PRIM2: variants seen among roughly 807,000 people sequenced by gnomAD.
The protein encoded by PRIM2 is DNA primase subunit 2.
A neutral mutation model predicts 67.3 loss-of-function variants in PRIM2; 39 were observed. That is an observed-to-expected ratio of 0.58 (90% CI 0.45 to 0.76). The LOEUF (loss-of-function observed/expected upper bound fraction) is 0.76, where lower values mean the gene tolerates loss of function less well. Ranked by LOEUF, PRIM2 falls within the 30% of genes least tolerant of loss-of-function variation. PRIM2 has a pLI of 0.00. For missense variants in PRIM2, 398 were observed against 598.7 expected, an observed-to-expected ratio of 0.66 and a Z score of 3.50; for synonymous variants, 143 against 198.7, an observed-to-expected ratio of 0.72 and a Z score of 2.36.
At chr6:57,478,608 C>T (rs1773536656) in intron 7 of PRIM2, among the ~76,000 whole-genome samples, 1 of 152,120 alleles carries the variant, frequency 6.6e-6, no homozygotes, top group African/African-American at 2.4e-5. Context: ...AAAGTACCTT[C>T]TTCTTAGTTG....
chr6:57,292,217 G>C, the PRIM2 span, among the ~76,000 whole-genome samples: 1 of 152,166 alleles, frequency 6.6e-6, no homozygotes, highest in Non-Finnish European at 1.5e-5. Flanking sequence ...CAAACGGACA[G>C]CTAAATCATG....
intron 8 of PRIM2, among the ~76,000 whole-genome samples, chr6:57,524,491 C>CA: frequency 1.3e-5 from 2 of 152,230 alleles, no homozygotes; most frequent in South Asian, 4.1e-4. Flanking sequence ...CACCTGAGAT[C>CA]AGGAGTTCAA....
intron 8 of PRIM2, among the ~76,000 whole-genome samples, chr6:57,521,552 G>A (rs1774624456): frequency 6.6e-6 from 1 of 151,838 alleles, no homozygotes. Flanking sequence ...ATACTTTTAT[G>A]GAATGATGTA....
chr6:57,489,326 G>A (rs1377270797), intron 7 of PRIM2, among the ~76,000 whole-genome samples: 2 of 152,184 alleles, frequency 1.3e-5, no homozygotes, highest in African/African-American at 4.8e-5. Context: ...GGAGGCCAGC[G>A]CAGGCAGATC....
At chr6:57,373,570 A>G (rs1320004995) in intron 5 of PRIM2, among the ~76,000 whole-genome samples, 1 of 151,912 alleles carries the variant, frequency 6.6e-6, no homozygotes, top group Non-Finnish European at 1.5e-5. Flanking sequence ...TGGGGTTTTC[A>G]TAGTTTTAGG....
chr6:57,493,011 C>G (rs1773931553), intron 7 of PRIM2, among the ~76,000 whole-genome samples: 1 of 152,176 alleles, frequency 6.6e-6, no homozygotes, highest in Admixed American at 6.5e-5. Flanking sequence ...TGTCAAAGCA[C>G]ATAAATCTAC....
upstream of PRIM2, among the ~76,000 whole-genome samples, chr6:57,314,185 C>A (rs1374868133): frequency 6.6e-6 from 1 of 152,192 alleles, no homozygotes; most frequent in African/African-American, 2.4e-5. Context: ...AAGCTGAACC[C>A]AGCATTTTTT....
intron 10 of PRIM2, among the ~76,000 whole-genome samples, chr6:57,574,962 A>G (rs1775935119): frequency 6.6e-6 from 1 of 152,282 alleles, no homozygotes; most frequent in Middle Eastern, 3.4e-3. Flanking sequence ...GCTTAAAGGT[A>G]TAGAACTTAA....
chr6:57,509,406 G>A (rs1364678610), intron 8 of PRIM2, among the ~76,000 whole-genome samples: 2 of 152,158 alleles, frequency 1.3e-5, no homozygotes, highest in Non-Finnish European at 2.9e-5. Flanking sequence ...ATTCAACTCT[G>A]TTGGCAATTT....
chr6:57,282,573 G>A, the PRIM2 span, among the ~76,000 whole-genome samples: 1 of 152,158 alleles, frequency 6.6e-6, no homozygotes. Flanking sequence ...CAGTACCTCA[G>A]AATGTGACCG....
chr6:57,516,049 T>C (rs1446522360), intron 8 of PRIM2, among the ~76,000 whole-genome samples: 1 of 151,586 alleles, frequency 6.6e-6, no homozygotes, highest in East Asian at 1.9e-4. Flanking sequence ...TCTGAAGTCC[T>C]TGCCTGTGGG....
intron 7 of PRIM2, among the ~76,000 whole-genome samples, chr6:57,432,916 G>C (rs1771881793): frequency 6.6e-6 from 1 of 152,216 alleles, no homozygotes; most frequent in African/African-American, 2.4e-5. Flanking sequence ...GAAGCAGTTA[G>C]GACTTTTAGT....
At chr6:57,577,410 C>T (rs1291677641) in intron 10 of PRIM2, among the ~76,000 whole-genome samples, 2 of 151,192 alleles carry the variant, frequency 1.3e-5, no homozygotes, top group Non-Finnish European at 2.9e-5. Context: ...TGTACTTTTC[C>T]ATTGCCTGGT....
At chr6:57,244,005 A>G in the PRIM2 span, among the ~76,000 whole-genome samples, 1 of 152,352 alleles carries the variant, frequency 6.6e-6, no homozygotes, top group African/African-American at 2.4e-5. Context: ...CTATGCAGCC[A>G]TAGCTGGACG....
intron 5 of PRIM2, among the ~76,000 whole-genome samples, chr6:57,347,019 G>A (rs1016386325): frequency 6.6e-6 from 1 of 152,048 alleles, no homozygotes; most frequent in Non-Finnish European, 1.5e-5. Context: ...GCTTGCTTCT[G>A]TTTGTTTATC....
the PRIM2 span, among the ~76,000 whole-genome samples, chr6:57,280,031 C>T: frequency 6.6e-6 from 1 of 152,108 alleles, no homozygotes; most frequent in Non-Finnish European, 1.5e-5. Context: ...AGAGACAGAC[C>T]AGATAACATG....
At chr6:57,637,347 TCTC>T (rs1777139477) in intron 13 of PRIM2, among the ~76,000 whole-genome samples, 1 of 151,990 alleles carries the variant, frequency 6.6e-6, no homozygotes, top group South Asian at 2.1e-4. Context: ...GAATATCTCT[TCTC>T]CTCCAAAGGA....
intron 10 of PRIM2, 32 bp downstream of exon 10, chr6:57,537,657 C>G: frequency 7.7e-7 from 1 of 1,299,756 alleles, no homozygotes; most frequent in Non-Finnish European, 1.0e-6. Flanking sequence ...AGAGTGGTAC[C>G]TGATATTTTA....
intron 12 of PRIM2, among the ~76,000 whole-genome samples, chr6:57,612,793 C>T (rs1306511393): frequency 4.6e-5 from 6 of 131,122 alleles, no homozygotes; most frequent in Non-Finnish European, 8.0e-5. Flanking sequence ...TTCTTTTCGC[C>T]TTTTTTTTTT....
Sources: gnomAD v4.1 joint callset for allele counts (sites outside exome capture counted in the v4.1 genomes callset) on GRCh38, gnomAD v4.1.1 for gene constraint, MANE v1.5 for transcripts, NCBI Gene and HGNC (gene_info 2026-07-23, HGNC 2026-07-21) for gene names.